Variants in EVI5 observed in about 807,000 individuals in gnomAD.
EVI5 encodes ecotropic viral integration site 5, also known as ecotropic viral integration site 5 protein homolog.
EVI5 carries 73 observed loss-of-function variants against 112.0 expected under a neutral mutation model. The ratio of observed to expected loss-of-function variants is 0.65; its 90% confidence interval spans 0.54 to 0.79. The LOEUF (loss-of-function observed/expected upper bound fraction) is 0.79. Ranked by LOEUF, EVI5 falls within the 30% of genes least tolerant of loss-of-function variation. EVI5 has a pLI of 0.00. For synonymous variants in EVI5, 305 were observed against 319.9 expected, an observed-to-expected ratio of 0.95 and a Z score of 0.50; for missense variants, 900 against 968.8, an observed-to-expected ratio of 0.93 and a Z score of 0.94.
In EVI5 at chr1:92,734,179, T is replaced by C. The variant is rs1171244517; in HGVS notation, c.149+2219A>G. On this transcript the variant is annotated intron_variant, in intron 2 of 19. Coordinates refer to ENST00000684568, the MANE Select transcript of EVI5 (RefSeq NM_001350197.2). ...CTCCTAATTTTTGCATGAAGAATGT[T>C]AGGCCTAGGATGAGAGAATGATTTT... Among the ~76,000 whole-genome samples, 3 of 152,312 alleles carry C rather than the reference T, an allele frequency of 2.0e-5. 1 individual carries two copies. The South Asian group carries it at 6.2e-4, about 32-fold the overall frequency.
intron 10 of EVI5, 119 bp downstream of exon 10, chr1:92,677,039 C>G (rs1666859101): frequency 4.5e-6 from 3 of 667,678 alleles, no homozygotes; most frequent in Non-Finnish European, 7.6e-6. Flanking sequence ...CTATTTTTAA[C>G]TATAATCTAG....
chr1:92,648,910 T>A (rs934084104), intron 13 of EVI5, among the ~76,000 whole-genome samples: 1 of 152,210 alleles, frequency 6.6e-6, no homozygotes, highest in South Asian at 2.1e-4. Flanking sequence ...CAGGGTACCA[T>A]GATAATTCTA....
intron 18 of EVI5, among the ~76,000 whole-genome samples, chr1:92,601,721 T>C (rs1571825871): frequency 6.6e-6 from 1 of 152,028 alleles, no homozygotes; most frequent in Non-Finnish European, 1.5e-5. Context: ...GGGTAAAGGA[T>C]TGGAAGATGT....
chr1:92,590,461 G>A (rs1673627143), intron 18 of EVI5, among the ~76,000 whole-genome samples: 1 of 152,192 alleles, frequency 6.6e-6, no homozygotes, highest in Non-Finnish European at 1.5e-5. Flanking sequence ...AGAACTACGT[G>A]ATGAACGCAC....
chr1:92,541,259 T>C (rs1570837), intron 19 of EVI5, among the ~76,000 whole-genome samples: 129,591 of 152,132 alleles, frequency 0.85, 55,571 homozygotes, highest in East Asian at 0.97. Context: ...AAGGAACACA[T>C]ATTTAGAATA....
rs189233942 is a variant in EVI5, at chr1:92,586,798, G to A, written c.2070+18509C>T. Among the ~76,000 whole-genome samples the A allele has an allele frequency of 5.5e-3, 829 of 151,250 alleles. 6 individuals carry two copies. Among genetic ancestry groups the A allele is most frequent in the African/African-American group, 0.018 (733 of 41,164 alleles). On this transcript the variant is annotated intron_variant, in intron 18 of 19. Transcript: ENST00000684568. ...TAGGGTACATGTGCACAATGTGCAG[G>A]TTAGCTACATATGTATACATGTGCC...
intron 13 of EVI5, among the ~76,000 whole-genome samples, chr1:92,646,822 A>T (rs546211366): frequency 6.6e-6 from 1 of 152,316 alleles, no homozygotes; most frequent in African/African-American, 2.4e-5. Context: ...AATATGTACA[A>T]CTTTGATACA....
At chr1:92,586,776 G>A (rs995938869) in intron 18 of EVI5, among the ~76,000 whole-genome samples, 2 of 150,522 alleles carry the variant, frequency 1.3e-5, no homozygotes, top group Non-Finnish European at 1.5e-5. Flanking sequence ...TAAGTTTTAG[G>A]GTACATGTGC....
intron 19 of EVI5, among the ~76,000 whole-genome samples, chr1:92,562,598 T>C (rs985625502): frequency 9.2e-5 from 14 of 152,232 alleles, no homozygotes; most frequent in Non-Finnish European, 1.8e-4. Flanking sequence ...ATCCCTCATA[T>C]GTTATCATGG....
At position 92,508,761 on chromosome 1, in the gene EVI5, T is replaced by C. The variant is rs903986822; in HGVS notation, c.*4895A>G. The C allele has an allele frequency of 1.3e-5, 2 of 152,640 alleles. No individual in the cohort carries two copies. The highest frequency in any genetic ancestry group is 4.8e-5 in the African/African-American group (2 of 41,460). 9.5% of individuals were successfully genotyped at this position (152,640 alleles called of 1,614,324 possible). A position where few individuals can be genotyped will look rare whatever the true frequency, so the allele number is the denominator to read the frequency against. ...CACAAGTAAACATTTCAGGTTATCATACAATGTTACAATAAAAAATTCCAA... is the reference window on the plus strand; with the variant it reads ...CACAAGTAAACATTTCAGGTTATCACACAATGTTACAATAAAAAATTCCAA... On this transcript the variant is annotated 3_prime_UTR_variant, in exon 20 of 20. Coordinates refer to ENST00000684568, the MANE Select transcript of EVI5 (RefSeq NM_001350197.2).
chr1:92,567,294 G>A (rs935823637), intron 18 of EVI5, among the ~76,000 whole-genome samples: 1 of 151,972 alleles, frequency 6.6e-6, no homozygotes, highest in Non-Finnish European at 1.5e-5. Context: ...CTAAGCTAAG[G>A]TTAATTTATT....
chr1:92,598,663 TA>T (rs1648471331), intron 18 of EVI5, among the ~76,000 whole-genome samples: 1 of 152,188 alleles, frequency 6.6e-6, no homozygotes. Context: ...TCCTTAATTT[TA>T]CAGGTTGTAT....
At chr1:92,614,902 A>G (rs1652762667) in intron 16 of EVI5, among the ~76,000 whole-genome samples, 1 of 146,344 alleles carries the variant, frequency 6.8e-6, no homozygotes, top group Non-Finnish European at 1.5e-5. Context: ...TTATTCCTAT[A>G]TATATCCTAT....
rs200589264 is a variant in EVI5 at position 92,749,586 on chromosome 1, C to CAT, written c.-81-12961_-81-12960dup. Among the ~76,000 whole-genome samples the CAT allele has an allele frequency of 5.0e-3, 753 of 151,546 alleles. 3 individuals carry two copies. The highest frequency in any genetic ancestry group is 0.017 in the Middle Eastern group (5 of 290). ...TCTGTGGAATAAAGGGTAATTTCTA[C>CAT]ATATATATATAGTATCTATAAATAT... is the stretch of plus-strand genomic sequence containing the variant. On this transcript the variant is annotated intron_variant, in intron 1 of 19. Coordinates refer to ENST00000684568, the MANE Select transcript of EVI5 (RefSeq NM_001350197.2).
intron 1 of EVI5, among the ~76,000 whole-genome samples, chr1:92,765,166 T>TTA (rs1682421155): frequency 1.3e-5 from 2 of 151,746 alleles, no homozygotes; most frequent in African/African-American, 2.4e-5. Flanking sequence ...CAGACATTCC[T>TTA]TATATATATC....
At chr1:92,590,124 T>C (rs951503146) in intron 18 of EVI5, among the ~76,000 whole-genome samples, 1 of 152,062 alleles carries the variant, frequency 6.6e-6, no homozygotes, top group Non-Finnish European at 1.5e-5. Flanking sequence ...TACGTCACCA[T>C]CATCGAAGAC....
chr1:92,545,192 T>G (rs1490125126), intron 19 of EVI5, among the ~76,000 whole-genome samples: 1 of 152,168 alleles, frequency 6.6e-6, no homozygotes, highest in Admixed American at 6.5e-5. Context: ...CATTTTCAAT[T>G]TGAAAAACTG....
chr1:92,629,943 T>G (rs920011282), intron 14 of EVI5, among the ~76,000 whole-genome samples: 2 of 152,060 alleles, frequency 1.3e-5, no homozygotes, highest in Admixed American at 6.6e-5. Flanking sequence ...TGTGATAGTT[T>G]GCTGAGAATG....
intron 11 of EVI5, among the ~76,000 whole-genome samples, chr1:92,664,679 T>C (rs142646156): frequency 6.6e-5 from 10 of 152,382 alleles, no homozygotes; most frequent in East Asian, 5.8e-4. Context: ...CTTAATATGA[T>C]GTATCTGCAA....
Sources: gnomAD v4.1 joint callset for allele counts (sites outside exome capture counted in the v4.1 genomes callset) on GRCh38, gnomAD v4.1.1 for gene constraint, MANE v1.5 for transcripts, NCBI Gene and HGNC (gene_info 2026-07-23, HGNC 2026-07-21) for gene names.